EYA2: variants seen among roughly 807,000 people sequenced by gnomAD.
The protein encoded by EYA2 is EYA transcriptional coactivator and phosphatase 2, also known as protein phosphatase EYA2.
Under a neutral mutation model 69.2 loss-of-function variants are expected in EYA2, and 31 were observed. The observed-to-expected ratio is 0.45, with a 90% CI of 0.34 to 0.60. The LOEUF is 0.60. Ranked by LOEUF, EYA2 falls within the 20% of genes least tolerant of loss-of-function variation. EYA2 has a pLI of 0.02. For missense variants in EYA2, 622 were observed against 701.2 expected, an observed-to-expected ratio of 0.89 and a Z score of 1.28; for synonymous variants, 257 against 279.4, an observed-to-expected ratio of 0.92 and a Z score of 0.80.
chr20:46,986,834 C>A (rs1981255829), intron 1 of EYA2, among the ~76,000 whole-genome samples: 4 of 152,120 alleles, frequency 2.6e-5, no homozygotes, highest in Admixed American at 2.6e-4. Context: ...ATGAGGGATC[C>A]ATCCCTATGA....
intron 1 of EYA2, among the ~76,000 whole-genome samples, chr20:46,958,716 C>T (rs989839394): frequency 1.3e-5 from 2 of 152,192 alleles, no homozygotes; most frequent in African/African-American, 4.8e-5. Context: ...CAATAGGCTC[C>T]AGTGTCTGCT....
At chr20:47,085,726 C>T (rs187511724) in intron 7 of EYA2, among the ~76,000 whole-genome samples, 1 of 151,798 alleles carries the variant, frequency 6.6e-6, no homozygotes, top group Non-Finnish European at 1.5e-5. Flanking sequence ...CTGACCAAAA[C>T]AAGCCAGAAA....
chr20:46,901,576 A>G (rs1480395498), intron 1 of EYA2: 1 of 152,198 alleles, frequency 6.6e-6, no homozygotes, highest in Non-Finnish European at 1.5e-5. Context: ...GTCAGCGCAA[A>G]GAGGTTATTT....
intron 7 of EYA2, among the ~76,000 whole-genome samples, chr20:47,085,071 A>G (rs1168059724): frequency 6.6e-6 from 1 of 151,788 alleles, no homozygotes; most frequent in Non-Finnish European, 1.5e-5. Context: ...TCCCAGGGTC[A>G]AGCAATTCTC....
At chr20:46,912,493 G>A (rs925101430) in intron 1 of EYA2, among the ~76,000 whole-genome samples, 3 of 152,116 alleles carry the variant, frequency 2.0e-5, no homozygotes, top group African/African-American at 7.2e-5. Context: ...CACTGTTCCA[G>A]GCACTTGGCA....
chr20:47,134,590 A>AC, intron 9 of EYA2, among the ~76,000 whole-genome samples: 1 of 151,830 alleles, frequency 6.6e-6, no homozygotes, highest in Non-Finnish European at 1.5e-5. Flanking sequence ...ACACACACAC[A>AC]AACACACACA....
chr20:46,914,131 A>G (rs1984782472), intron 1 of EYA2, among the ~76,000 whole-genome samples: 1 of 152,234 alleles, frequency 6.6e-6, no homozygotes, highest in African/African-American at 2.4e-5. Context: ...CCTCGTTCCT[A>G]AAGAGCTGTC....
chr20:47,126,812 AGGCGTG>A (rs1205339574), intron 9 of EYA2, among the ~76,000 whole-genome samples: 1 of 152,318 alleles, frequency 6.6e-6, no homozygotes, highest in East Asian at 1.9e-4. Context: ...ACAACTGGGT[AGGCGTG>A]CTACTGAATT....
intron 10 of EYA2, among the ~76,000 whole-genome samples, chr20:47,165,468 C>T (rs2034162319): frequency 6.6e-6 from 1 of 152,126 alleles, no homozygotes; most frequent in African/African-American, 2.4e-5. Flanking sequence ...TGTTCTTGGC[C>T]ATCTGCTTAC....
intron 2 of EYA2, among the ~76,000 whole-genome samples, chr20:46,992,943 C>T (rs191870162): frequency 2.2e-4 from 34 of 152,248 alleles, no homozygotes; most frequent in African/African-American, 7.9e-4. Flanking sequence ...GCCATTCCTT[C>T]TATTACAGAG....
At chr20:47,107,144 C>T (rs1194845154) in intron 9 of EYA2, among the ~76,000 whole-genome samples, 5 of 152,000 alleles carry the variant, frequency 3.3e-5, no homozygotes, top group East Asian at 1.9e-4. Flanking sequence ...CCTGGGGATG[C>T]GGCAGGGAAC....
chr20:47,066,681 G>A (rs1173628197), intron 5 of EYA2, among the ~76,000 whole-genome samples: 1 of 152,114 alleles, frequency 6.6e-6, no homozygotes, highest in Non-Finnish European at 1.5e-5. Context: ...TTAGCCATAG[G>A]GAATCTGGGA....
At chr20:47,119,851 G>A (rs2032999024) in intron 9 of EYA2, among the ~76,000 whole-genome samples, 1 of 152,220 alleles carries the variant, frequency 6.6e-6, no homozygotes, top group Non-Finnish European at 1.5e-5. Flanking sequence ...AGGATAGCTT[G>A]AGCTTAGGAG....
intron 9 of EYA2, among the ~76,000 whole-genome samples, chr20:47,111,778 C>G (rs374176325): frequency 6.6e-6 from 1 of 152,178 alleles, no homozygotes; most frequent in African/African-American, 2.4e-5. Flanking sequence ...TACTATCACA[C>G]TTCAGAGGGT....
rs895972414 is a variant in EYA2, at chr20:47,065,633, AT to A, written c.416-6545del. On this transcript the variant is annotated intron_variant, in intron 5 of 15. Coordinates refer to ENST00000327619, the MANE Select transcript of EYA2 (RefSeq NM_005244.5). ...TAATTTTTAATAAATTAAAAGCGTG[AT>A]TTTTTTATTAGATTTAACAGGCATA... Among the ~76,000 whole-genome samples the A allele has an allele frequency of 4.3e-4, 65 of 152,252 alleles. 1 individual carries two copies. The highest frequency in any genetic ancestry group is 1.4e-3 in the African/African-American group (57 of 41,552).
chr20:47,077,828 C>T (rs556239546), intron 7 of EYA2, among the ~76,000 whole-genome samples: 1 of 152,268 alleles, frequency 6.6e-6, no homozygotes, highest in Admixed American at 6.5e-5. Flanking sequence ...AAGTTTTTCT[C>T]TGTCATCATC....
chr20:47,061,826 C>T (rs952148567), intron 5 of EYA2, among the ~76,000 whole-genome samples: 36 of 152,260 alleles, frequency 2.4e-4, no homozygotes, highest in African/African-American at 7.0e-4. Context: ...AATCACACAT[C>T]GTGAACCACG....
intron 7 of EYA2, among the ~76,000 whole-genome samples, chr20:47,077,906 TAAAAA>T (rs1568763353): frequency 6.6e-6 from 1 of 152,128 alleles, no homozygotes; most frequent in African/African-American, 2.4e-5. Context: ...ACAAAGGAGA[TAAAAA>T]CAAAACATTG....
intron 1 of EYA2, among the ~76,000 whole-genome samples, chr20:46,963,499 C>T (rs1391059494): frequency 6.6e-6 from 1 of 152,232 alleles, no homozygotes; most frequent in African/African-American, 2.4e-5. Flanking sequence ...CAAATAAATA[C>T]ATGAGCTAAC....
Sources: gnomAD v4.1 joint callset for allele counts (sites outside exome capture counted in the v4.1 genomes callset) on GRCh38, gnomAD v4.1.1 for gene constraint, MANE v1.5 for transcripts, NCBI Gene and HGNC (gene_info 2026-07-23, HGNC 2026-07-21) for gene names.